Variants in NSUN7 observed in about 807,000 individuals in gnomAD.
NSUN7 encodes NOP2/Sun RNA methyltransferase family member 7.
Under a neutral mutation model 58.5 loss-of-function variants are expected in NSUN7, and 39 were observed. The observed-to-expected ratio is 0.67, with a 90% CI of 0.52 to 0.87. The LOEUF is 0.87. NSUN7 is among the 40% of genes least tolerant of loss of function. The probability of loss-of-function intolerance (pLI) is 0.00; values close to 1 mark genes in which losing one functional copy is unlikely to be tolerated. For synonymous variants in NSUN7, 278 were observed against 303.7 expected, an observed-to-expected ratio of 0.92 and a Z score of 0.88; for missense variants, 765 against 844.1, an observed-to-expected ratio of 0.91 and a Z score of 1.16.
intron 4 of NSUN7, among the ~76,000 whole-genome samples, chr4:40,762,081 T>C (rs1245654167): frequency 6.6e-6 from 1 of 152,194 alleles, no homozygotes; most frequent in Non-Finnish European, 1.5e-5. Flanking sequence ...ATGGGTTTGC[T>C]CTCTTGTGCT....
chr4:40,786,103 C>T (rs1407755611), intron 7 of NSUN7: 3 of 1,549,480 alleles, frequency 1.9e-6, no homozygotes, highest in African/African-American at 1.4e-5. Context: ...CATTTATTTG[C>T]ACCTGGAAAT....
chr4:40,754,155 T>C (rs958277477), intron 2 of NSUN7, among the ~76,000 whole-genome samples: 2 of 151,788 alleles, frequency 1.3e-5, no homozygotes, highest in African/African-American at 4.8e-5. Flanking sequence ...CCTTTTTTTT[T>C]TTTTTTGAGA....
intron 7 of NSUN7, among the ~76,000 whole-genome samples, chr4:40,784,382 T>C (rs1210445629): frequency 1.3e-5 from 2 of 152,188 alleles, no homozygotes; most frequent in Non-Finnish European, 2.9e-5. Flanking sequence ...CAAATGTCCA[T>C]CAAATGATGA....
chr4:40,750,579 T>A (rs1740765258), intron 1 of NSUN7, 24 bp from the exon 2 acceptor site: 3 of 1,251,230 alleles, frequency 2.4e-6, no homozygotes, highest in African/African-American at 1.5e-5. Context: ...AGTGATTTAC[T>A]GCAATCACCT....
chr4:40,756,036 G>T (rs1221978026), intron 2 of NSUN7, among the ~76,000 whole-genome samples: 1 of 152,006 alleles, frequency 6.6e-6, no homozygotes, highest in Non-Finnish European at 1.5e-5. Flanking sequence ...TAGTTATTCA[G>T]TCTCTAGCTT....
At chr4:40,805,208 A>G (rs942796765) in intron 10 of NSUN7, among the ~76,000 whole-genome samples, 5 of 152,218 alleles carry the variant, frequency 3.3e-5, no homozygotes, top group African/African-American at 9.6e-5. Flanking sequence ...CTTAGGTCAC[A>G]TAAGTCAGAT....
At chr4:40,754,217 G>A (rs560551779) in intron 2 of NSUN7, among the ~76,000 whole-genome samples, 17 of 150,112 alleles carry the variant, frequency 1.1e-4, no homozygotes, top group African/African-American at 2.9e-4. Flanking sequence ...GCGCAATCTC[G>A]GTTCACTGCA....
At chr4:40,752,329 T>G (rs1740874873) in intron 2 of NSUN7, among the ~76,000 whole-genome samples, 1 of 152,222 alleles carries the variant, frequency 6.6e-6, no homozygotes, top group African/African-American at 2.4e-5. Context: ...GTAATCCCAG[T>G]ACTTTTGGAG....
At chr4:40,801,079 G>GGGAT (rs1560564671) in intron 10 of NSUN7, among the ~76,000 whole-genome samples, 3 of 149,956 alleles carry the variant, frequency 2.0e-5, no homozygotes, top group African/African-American at 7.4e-5. Context: ...GAGGGAGGGA[G>GGGAT]GGAGGAAGGT....
intron 8 of NSUN7, among the ~76,000 whole-genome samples, chr4:40,792,433 G>A (rs1253108313): frequency 6.6e-6 from 1 of 152,168 alleles, no homozygotes; most frequent in Non-Finnish European, 1.5e-5. Context: ...GCCTTGATGA[G>A]GAGATGATAG....
In NSUN7 at chr4:40,808,720, G is replaced by A; in HGVS notation, c.1938G>A (p.Leu646=). The A allele has an allele frequency of 6.4e-7, 1 of 1,550,940 alleles. No homozygotes were observed. The highest frequency in any genetic ancestry group is 8.7e-7 in the Non-Finnish European group (1 of 1,146,880). Residue 646 remains leucine, a synonymous_variant, in exon 12 of 12, where the codon CTG becomes CTA. Transcript: ENST00000381782. ...RPRPEDRMVA[L]KPIKIVLPPV... is the part of the protein sequence containing the mutation. ...GGCCAGAAGACAGAATGGTTGCTCT[G>A]AAACCCATCAAGATTGTTCTGCCTC...
At position 40,808,748 on chromosome 4, in the gene NSUN7, G is replaced by C; in HGVS notation, c.1966G>C (p.Val656Leu). The change falls in exon 12 of 12, where the codon GTC becomes CTC. Residue 656 changes from valine to leucine, a missense_variant. By Grantham distance (32) the Val-to-Leu change is conservative. Coordinates refer to ENST00000381782, the MANE Select transcript of NSUN7 (RefSeq NM_024677.6). ...ACCCATCAAGATTGTTCTGCCTCCA[G>C]TCTTTATGCCATTTTCAAGTCCCCA... is the stretch of plus-strand genomic sequence containing the variant. ...LKPIKIVLPP[V>L]FMPFSSPQGI... The C allele has an allele frequency of 1.3e-6, 2 of 1,550,052 alleles. No homozygotes were observed. Among genetic ancestry groups the C allele is most frequent in the Non-Finnish European group, 1.7e-6 (2 of 1,146,736 alleles).
intron 7 of NSUN7, among the ~76,000 whole-genome samples, chr4:40,781,263 T>C (rs79310697): frequency 0.024 from 3,691 of 152,162 alleles, 94 homozygotes; most frequent in African/African-American, 0.06. Context: ...TTGGCCAGAC[T>C]GGTCTCGAAC....
At chr4:40,793,207 TGA>T (rs1251429268) in intron 8 of NSUN7, among the ~76,000 whole-genome samples, 1 of 152,120 alleles carries the variant, frequency 6.6e-6, no homozygotes, top group Non-Finnish European at 1.5e-5. Flanking sequence ...TTTGGGAGGC[TGA>T]GGTGGGTAGA....
chr4:40,803,032 T>C (rs13143636), intron 10 of NSUN7, among the ~76,000 whole-genome samples: 122,935 of 148,754 alleles, frequency 0.83, 51,275 homozygotes, highest in African/African-American at 0.93. Context: ...TGAGAACACG[T>C]GGTGTTTGGT....
rs772748878 is a variant in NSUN7, at chr4:40,808,406, G to GAGA, written c.1635_1637dup (p.Lys547dup). 1.2e-5 allele frequency: 20 copies of GAGA among 1,613,884 alleles called. No individual in the cohort carries two copies. Among genetic ancestry groups the GAGA allele is most frequent in the East Asian group, 2.2e-5 (1 of 44,890 alleles). On this transcript the variant is annotated inframe_insertion, in exon 12 of 12. Coordinates refer to ENST00000381782, the MANE Select transcript of NSUN7 (RefSeq NM_024677.6). The stretch of plus-strand genomic sequence containing the variant: ...TGAGTTGGGTAAATCATCAAAACGG[G>GAGA]AGAAGAAGAAGAAAAAATCAAAAAC...
At chr4:40,804,178 G>C (rs533576344) in intron 10 of NSUN7, among the ~76,000 whole-genome samples, 2 of 152,132 alleles carry the variant, frequency 1.3e-5, no homozygotes, top group Non-Finnish European at 2.9e-5. Context: ...GGTGGCTCAC[G>C]CCTGTAATCC....
chr4:40,794,528 A>C (rs1209684703), intron 9 of NSUN7, 52 bp downstream of exon 9: 1 of 1,086,524 alleles, frequency 9.2e-7, no homozygotes, highest in Admixed American at 1.8e-5. Flanking sequence ...CATTTTAGAA[A>C]TATTAGTCTT....
chr4:40,773,664 C>T (rs1485717017), intron 4 of NSUN7, among the ~76,000 whole-genome samples: 3 of 147,840 alleles, frequency 2.0e-5, no homozygotes, highest in African/African-American at 7.5e-5. Context: ...GCCTGGGCGA[C>T]AGACGGAGAC....
Sources: gnomAD v4.1 joint callset for allele counts (sites outside exome capture counted in the v4.1 genomes callset) on GRCh38, gnomAD v4.1.1 for gene constraint, MANE v1.5 for transcripts, NCBI Gene and HGNC (gene_info 2026-07-23, HGNC 2026-07-21) for gene names.